The following SLC8A1 variants were observed in gnomAD, a reference collection of about 807,000 sequenced individuals.
The protein encoded by SLC8A1 is solute carrier family 8 member A1.
SLC8A1 carries 18 observed loss-of-function variants against 68.3 expected under a neutral mutation model. The ratio of observed to expected loss-of-function variants is 0.26; its 90% CI spans 0.18 to 0.39. The LOEUF (loss-of-function observed/expected upper bound fraction) is 0.39. SLC8A1 is among the 10% of genes least tolerant of loss of function. The probability of loss-of-function intolerance (pLI) is 1.00; values close to 1 mark genes in which losing one functional copy is unlikely to be tolerated. For missense variants in SLC8A1, 985 were observed against 1,156.7 expected (o/e 0.85, Z 2.15); for synonymous variants, 475 against 415.5 (o/e 1.14, Z -1.74).
chr2:40,177,422 TTAA>T (rs1452979320), intron 3 of SLC8A1, among the ~76,000 whole-genome samples: 1 of 152,188 alleles, frequency 6.6e-6, no homozygotes, highest in Non-Finnish European at 1.5e-5. Context: ...TAGGGAAGAT[TTAA>T]TAATTGGAGT....
intron 2 of SLC8A1, among the ~76,000 whole-genome samples, chr2:40,316,960 G>T (rs2074535705): frequency 6.6e-6 from 1 of 151,910 alleles, no homozygotes; most frequent in South Asian, 2.1e-4. Context: ...TTTATAAATA[G>T]CCCTCCACTC....
chr2:40,326,064 T>C (rs2075792007), intron 2 of SLC8A1, among the ~76,000 whole-genome samples: 1 of 152,070 alleles, frequency 6.6e-6, no homozygotes, highest in Non-Finnish European at 1.5e-5. Context: ...GCACCTTCTA[T>C]CAGCAGCTGT....
intron 2 of SLC8A1, among the ~76,000 whole-genome samples, chr2:40,379,935 G>A (rs1034212627): frequency 1.3e-5 from 2 of 152,058 alleles, no homozygotes; most frequent in African/African-American, 4.8e-5. Flanking sequence ...TTAGGAAAGA[G>A]CTCTAGTAGG....
intron 2 of SLC8A1, among the ~76,000 whole-genome samples, chr2:40,426,472 A>G (rs1332701614): frequency 6.6e-6 from 1 of 152,050 alleles, no homozygotes; most frequent in Non-Finnish European, 1.5e-5. Context: ...AGAATAAGTT[A>G]TTCTATCAAA....
intron 7 of SLC8A1, among the ~76,000 whole-genome samples, chr2:40,127,599 G>A (rs2038411065): frequency 6.6e-6 from 1 of 152,142 alleles, no homozygotes; most frequent in Admixed American, 6.5e-5. Context: ...ATCCTCTGGT[G>A]GGCCTATCTG....
intron 2 of SLC8A1, among the ~76,000 whole-genome samples, chr2:40,409,598 T>C (rs548974068): frequency 1.3e-5 from 2 of 152,248 alleles, no homozygotes; most frequent in African/African-American, 4.8e-5. Flanking sequence ...CTGCATCTAC[T>C]GTATAGCTTG....
At chr2:40,218,875 G>T (rs1290155538) in intron 2 of SLC8A1, among the ~76,000 whole-genome samples, 2 of 152,288 alleles carry the variant, frequency 1.3e-5, no homozygotes, top group East Asian at 3.9e-4. Context: ...GAGGCTAATA[G>T]CACAGTGCCC....
intron 1 of SLC8A1, among the ~76,000 whole-genome samples, chr2:40,486,776 G>A (rs1704993706): frequency 6.6e-6 from 1 of 151,182 alleles, no homozygotes; most frequent in South Asian, 2.1e-4. Context: ...ACAATGTGCA[G>A]GTTTGTTACA....
At chr2:40,299,061 C>T (rs922785500) in intron 2 of SLC8A1, among the ~76,000 whole-genome samples, 1 of 150,504 alleles carries the variant, frequency 6.6e-6, no homozygotes, top group Non-Finnish European at 1.5e-5. Flanking sequence ...GTTCCAGGCT[C>T]CTGATTCTCA....
intron 2 of SLC8A1, among the ~76,000 whole-genome samples, chr2:40,231,031 C>A (rs2059583727): frequency 6.6e-6 from 1 of 152,182 alleles, no homozygotes; most frequent in African/African-American, 2.4e-5. Context: ...TAGTGACCTG[C>A]CACCTCTCCT....
At chr2:40,300,505 G>A (rs540074021) in intron 2 of SLC8A1, among the ~76,000 whole-genome samples, 32 of 152,150 alleles carry the variant, frequency 2.1e-4, no homozygotes, top group Non-Finnish European at 3.8e-4. Flanking sequence ...CAAAAACAAA[G>A]TATTGTTTCG....
intron 2 of SLC8A1, among the ~76,000 whole-genome samples, chr2:40,385,529 T>C (rs1273652928): frequency 1.3e-5 from 2 of 151,146 alleles, no homozygotes; most frequent in Non-Finnish European, 2.9e-5. Flanking sequence ...GGGATAATGA[T>C]AATAATAACA....
intron 2 of SLC8A1, among the ~76,000 whole-genome samples, chr2:40,298,001 T>G (rs1236538465): frequency 1.3e-5 from 2 of 152,134 alleles, no homozygotes; most frequent in African/African-American, 4.8e-5. Context: ...TGCCTCAGAC[T>G]CCTGAGTAGC....
intron 2 of SLC8A1, among the ~76,000 whole-genome samples, chr2:40,249,231 GT>G (rs1382346135): frequency 1.3e-5 from 2 of 152,024 alleles, no homozygotes; most frequent in African/African-American, 4.8e-5. Context: ...AAGAGTCTCT[GT>G]TATGATGTCT....
intron 1 of SLC8A1, among the ~76,000 whole-genome samples, chr2:40,459,520 A>G (rs1240668246): frequency 6.6e-6 from 1 of 152,226 alleles, no homozygotes; most frequent in Non-Finnish European, 1.5e-5. Flanking sequence ...GCATATTCAT[A>G]TTAAATACAT....
chr2:40,497,969 A>T (rs953419029), intron 1 of SLC8A1, among the ~76,000 whole-genome samples: 1 of 152,042 alleles, frequency 6.6e-6, no homozygotes, highest in Non-Finnish European at 1.5e-5. Context: ...CTTATGTAAT[A>T]TAAGAGGCAG....
intron 1 of SLC8A1, among the ~76,000 whole-genome samples, chr2:40,458,781 G>A (rs1703172231): frequency 6.6e-6 from 1 of 152,160 alleles, no homozygotes; most frequent in African/African-American, 2.4e-5. Context: ...TTGTGACTAA[G>A]TCAGAGAATC....
chr2:40,225,895 T>C (rs2058916391), intron 2 of SLC8A1, among the ~76,000 whole-genome samples: 1 of 152,192 alleles, frequency 6.6e-6, no homozygotes, highest in Non-Finnish European at 1.5e-5. Flanking sequence ...ATGGCAAGCT[T>C]CAGCGTTAGA....
At chr2:40,467,349 G>A (rs1463941083) in intron 1 of SLC8A1, among the ~76,000 whole-genome samples, 1 of 152,092 alleles carries the variant, frequency 6.6e-6, no homozygotes, top group African/African-American at 2.4e-5. Context: ...CATCTCACAG[G>A]GAAATGATTT....
Sources: gnomAD v4.1 joint callset for allele counts (sites outside exome capture counted in the v4.1 genomes callset) on GRCh38, gnomAD v4.1.1 for gene constraint, MANE v1.5 for transcripts, NCBI Gene and HGNC (gene_info 2026-07-23, HGNC 2026-07-21) for gene names.